Variants in NPLOC4 observed in about 807,000 individuals in gnomAD.
NPLOC4 encodes the protein NPL4 homolog, ubiquitin recognition factor.
A neutral mutation model predicts 80.6 loss-of-function variants in NPLOC4; 18 were observed. The observed-to-expected ratio is 0.22, with a 90% confidence interval of 0.15 to 0.33. The LOEUF is 0.33. Ranked by LOEUF, NPLOC4 falls within the 10% of genes least tolerant of loss-of-function variation. The pLI is 1.00. For missense variants in NPLOC4, 540 were observed against 786.1 expected, an observed-to-expected ratio of 0.69 and a Z score of 3.74; for synonymous variants, 313 against 301.5, an observed-to-expected ratio of 1.04 and a Z score of -0.39.
At chr17:81,583,885 CA>C (rs908865382) in intron 12 of NPLOC4, among the ~76,000 whole-genome samples, 1 of 151,964 alleles carries the variant, frequency 6.6e-6, no homozygotes. Context: ...AAGAAAATAA[CA>C]AAAAAAATTG....
intron 14 of NPLOC4, chr17:81,568,154 G>C (rs963550430): frequency 1.3e-5 from 2 of 152,174 alleles, no homozygotes; most frequent in African/African-American, 2.4e-5. Context: ...CTGGTCCCCC[G>C]GTGGAGAGTG....
intron 3 of NPLOC4, among the ~76,000 whole-genome samples, chr17:81,616,322 A>AC (rs2035484680): frequency 8.3e-6 from 1 of 120,872 alleles, no homozygotes; most frequent in Non-Finnish European, 1.7e-5. Flanking sequence ...CTCTGTCTCA[A>AC]AAAAAAAAAA....
At chr17:81,624,276 G>C (rs2035741183) in intron 2 of NPLOC4, among the ~76,000 whole-genome samples, 1 of 152,200 alleles carries the variant, frequency 6.6e-6, no homozygotes, top group Non-Finnish European at 1.5e-5. Flanking sequence ...AAATTAGCTA[G>C]GCGTGGTGGC....
chr17:81,588,242 A>G (rs748319888), intron 12 of NPLOC4: 2 of 152,238 alleles, frequency 1.3e-5, no homozygotes, highest in Non-Finnish European at 2.9e-5. Context: ...CAGGCAGCCA[A>G]ATACATGTGT....
chr17:81,602,209 G>A (rs1331443302), intron 8 of NPLOC4, among the ~76,000 whole-genome samples: 1 of 152,044 alleles, frequency 6.6e-6, no homozygotes, highest in African/African-American at 2.4e-5. Context: ...TCAGGAGCGA[G>A]ACCTTGTTTC....
chr17:81,600,965 A>G (rs1885935049), intron 8 of NPLOC4, among the ~76,000 whole-genome samples: 1 of 152,202 alleles, frequency 6.6e-6, no homozygotes, highest in Non-Finnish European at 1.5e-5. Flanking sequence ...GAGAGCGATG[A>G]GCTCACCAAC....
intron 12 of NPLOC4, 74 bp downstream of exon 12, chr17:81,588,870 C>A: frequency 7.3e-7 from 1 of 1,370,098 alleles, no homozygotes; most frequent in Non-Finnish European, 1.0e-6. Flanking sequence ...CAGAATGCAC[C>A]CAAATTAGAA....
intron 3 of NPLOC4, among the ~76,000 whole-genome samples, chr17:81,618,067 C>T: frequency 6.6e-6 from 1 of 152,218 alleles, no homozygotes; most frequent in East Asian, 1.9e-4. Flanking sequence ...GCAGCCTCTG[C>T]CCGGCCGCCA....
intron 4 of NPLOC4, 36 bp downstream of exon 4, chr17:81,613,282 C>A: frequency 6.3e-7 from 1 of 1,580,046 alleles, no homozygotes; most frequent in Non-Finnish European, 8.6e-7. Flanking sequence ...TTAAGATCAC[C>A]ACAAGTAGGA....
At chr17:81,609,962 G>A (rs762209219) in intron 5 of NPLOC4, among the ~76,000 whole-genome samples, 1 of 152,210 alleles carries the variant, frequency 6.6e-6, no homozygotes, top group Non-Finnish European at 1.5e-5. Context: ...TGTAAATGCT[G>A]CCCCTTTATC....
chr17:81,585,647 G>A (rs1481878663), intron 12 of NPLOC4, among the ~76,000 whole-genome samples: 1 of 137,756 alleles, frequency 7.3e-6, no homozygotes, highest in African/African-American at 2.8e-5. Flanking sequence ...GGAGACAGAG[G>A]AAGACTCCAT....
intron 2 of NPLOC4, among the ~76,000 whole-genome samples, chr17:81,624,279 G>A (rs953528697): frequency 3.3e-5 from 5 of 152,152 alleles, no homozygotes; most frequent in African/African-American, 1.2e-4. Flanking sequence ...TTAGCTAGGC[G>A]TGGTGGCGGA....
At chr17:81,565,138 T>C (rs2144026646) in intron 16 of NPLOC4, 1 of 597,428 alleles carries the variant, frequency 1.7e-6, no homozygotes, top group East Asian at 2.8e-5. Context: ...AAAGGGAAAT[T>C]CTCAAGGAGA....
intron 12 of NPLOC4, among the ~76,000 whole-genome samples, chr17:81,587,054 C>T (rs958228185): frequency 3.3e-5 from 5 of 152,178 alleles, no homozygotes; most frequent in Admixed American, 1.3e-4. Context: ...GACAGACAGA[C>T]GGTCCACGGA....
chr17:81,629,897 G>A, intron 1 of NPLOC4, 92 bp from the exon 2 acceptor site: 1 of 934,994 alleles, frequency 1.1e-6, no homozygotes, highest in Non-Finnish European at 1.7e-6. Flanking sequence ...TAGCATCTGG[G>A]TCACTGAAAA....
At chr17:81,630,002 T>C in intron 1 of NPLOC4, 197 bp from the exon 2 acceptor site, 1 of 523,110 alleles carries the variant, frequency 1.9e-6, no homozygotes, top group Non-Finnish European at 3.4e-6. Flanking sequence ...TATGGGGAGA[T>C]ATTTTAAGAG....
chr17:81,565,049 T>C (rs1306829469), intron 16 of NPLOC4: 6 of 495,498 alleles, frequency 1.2e-5, no homozygotes, highest in Non-Finnish European at 2.1e-5. Context: ...AGACACGCAA[T>C]GCCTGCGGTC....
At chr17:81,596,828 C>T (rs2144178088) in intron 10 of NPLOC4, among the ~76,000 whole-genome samples, 1 of 152,262 alleles carries the variant, frequency 6.6e-6, no homozygotes, top group South Asian at 2.1e-4. Flanking sequence ...ATAATGGGGC[C>T]TGAGGGCTGG....
At chr17:81,620,136 T>A (rs2035625268) in intron 3 of NPLOC4, among the ~76,000 whole-genome samples, 1 of 152,124 alleles carries the variant, frequency 6.6e-6, no homozygotes, top group African/African-American at 2.4e-5. Flanking sequence ...TTACAAGAAG[T>A]AAGACATACA....
Sources: allele counts gnomAD v4.1 joint callset (sites outside exome capture counted in the v4.1 genomes callset), GRCh38; gene constraint gnomAD v4.1.1; transcripts MANE v1.5; gene names NCBI Gene and HGNC (gene_info 2026-07-23, HGNC 2026-07-21).